The following SLCO2B1 variants were observed in gnomAD, a reference collection of about 807,000 sequenced individuals.
SLCO2B1 encodes the protein OATP-RP2.
Under a neutral mutation model 67.3 loss-of-function variants are expected in SLCO2B1, and 41 were observed. That is an observed-to-expected ratio of 0.61 (90% confidence interval 0.47 to 0.79). The LOEUF is 0.79. Among genes scored for constraint, SLCO2B1 ranks in the 30% least tolerant of loss-of-function variants. SLCO2B1 has a pLI of 0.00. For missense variants in SLCO2B1, 837 were observed against 920.1 expected (o/e 0.91, Z 1.17); for synonymous variants, 379 against 381.4 (o/e 0.99, Z 0.07).
intron 11 of SLCO2B1, 85 bp downstream of exon 11, chr11:75,200,472 C>G (rs1945166104): frequency 1.4e-6 from 2 of 1,416,756 alleles, no homozygotes; most frequent in African/African-American, 1.4e-5. Context: ...GGACGGAGTT[C>G]AAGAAAGGAG....
At chr11:75,195,036 G>A (rs1210113592) in intron 9 of SLCO2B1, among the ~76,000 whole-genome samples, 3 of 152,096 alleles carry the variant, frequency 2.0e-5, no homozygotes, top group East Asian at 1.9e-4. Context: ...GTCTTCCCAC[G>A]TTACCTCTCA....
In SLCO2B1 at chr11:75,172,537, G is replaced by A; in HGVS notation, c.940G>A (p.Val314Ile). The change falls in exon 7 of 14, where the codon GTC (valine) becomes ATC (isoleucine). Residue 314 changes from valine to isoleucine, a missense_variant. Physicochemically the swap from Val to Ile is conservative, Grantham distance 29 (BLOSUM62 3). Transcript: ENST00000289575. Reference protein sequence around the residue: ...EKRELQFRRKVLAVTDSPARK... With the variant: ...EKRELQFRRKILAVTDSPARK... Reference sequence around the variant, plus strand: ...ACGTGAGCTTCAGTTTCGGCGAAAGGTCTTAGCAGTCACAGACTCACCTGC... The same window carrying A: ...ACGTGAGCTTCAGTTTCGGCGAAAGATCTTAGCAGTCACAGACTCACCTGC... The A allele has an allele frequency of 6.2e-7, 1 of 1,614,172 alleles. No homozygotes were observed. Among genetic ancestry groups the A allele is most frequent in the Non-Finnish European group, 8.5e-7 (1 of 1,180,018 alleles).
chr11:75,155,080 C>G (rs1011915002), intron 1 of SLCO2B1, among the ~76,000 whole-genome samples: 1 of 152,140 alleles, frequency 6.6e-6, no homozygotes, highest in African/African-American at 2.4e-5. Flanking sequence ...AGCTCAGGGT[C>G]CCTGACTGAG....
intron 1 of SLCO2B1, among the ~76,000 whole-genome samples, chr11:75,155,223 CT>C (rs922265441): frequency 7.2e-5 from 11 of 152,094 alleles, no homozygotes; most frequent in Admixed American, 3.3e-4. Context: ...ACCCAAGGTC[CT>C]GCTGGGAGGA....
In SLCO2B1 at chr11:75,151,635, C is replaced by T. The variant is rs188776931; in HGVS notation, c.16+238C>T. On this transcript the variant is annotated intron_variant, in intron 1 of 13. Coordinates refer to ENST00000289575, the MANE Select transcript of SLCO2B1 (RefSeq NM_007256.5). ...GGAGCCAGGGAACCCAGCCAAACCTCGTTGATGAGACCGAGACTTAGAGGA... is the reference window on the plus strand; with the variant it reads ...GGAGCCAGGGAACCCAGCCAAACCTTGTTGATGAGACCGAGACTTAGAGGA... Among the ~76,000 whole-genome samples the T allele has an allele frequency of 3.9e-5, 6 of 152,276 alleles. No homozygotes were observed. The East Asian group carries it at 9.7e-4, about 24-fold the overall frequency.
chr11:75,169,584 T>G, intron 5 of SLCO2B1, 82 bp from the exon 6 acceptor site: 1 of 1,305,652 alleles, frequency 7.7e-7, no homozygotes, highest in Non-Finnish European at 1.1e-6. Flanking sequence ...CAGAGTGTTC[T>G]TGCCCATCAG....
In SLCO2B1 at chr11:75,188,238, G is replaced by A. The variant is rs1016906501; in HGVS notation, c.1075G>A (p.Val359Ile). 8 of 1,610,568 alleles carry A rather than the reference G, an allele frequency of 5.0e-6. No homozygotes were observed. The African/African-American group carries it at 8.0e-5, about 16-fold the overall frequency. The change falls in exon 8 of 14, where the codon GTC becomes ATC. Residue 359 changes from valine to isoleucine, a missense_variant and splice_region_variant. By Grantham distance (29) the Val-to-Ile change is conservative (BLOSUM62 3). Coordinates refer to ENST00000289575, the MANE Select transcript of SLCO2B1 (RefSeq NM_007256.5). Reference sequence around the variant, plus strand: ...CCTGACTGTGATCCAGTTCATTAAAGGTAAGTCAGCTCAGACCAGGTTATG... The same window carrying A: ...CCTGACTGTGATCCAGTTCATTAAAAGTAAGTCAGCTCAGACCAGGTTATG... The part of the protein sequence containing the change: ...PNLTVIQFIK[V>I]FPRVLLQTLR...
At position 75,165,863 on chromosome 11, in the gene SLCO2B1, G is replaced by C; in HGVS notation, c.362G>C (p.Gly121Ala). Residue 121 changes from glycine to alanine, a missense_variant, in exon 4 of 14, where the codon GGG becomes GCG. Coordinates refer to ENST00000289575, the MANE Select transcript of SLCO2B1 (RefSeq NM_007256.5). ...RVHRPRMIGY[G>A]AILVALAGLL... Reference sequence around the variant, plus strand: ...CACCGACCCCGAATGATTGGCTATGGGGCTATCCTTGTGGCCCTGGCGGGC... The same window carrying C: ...CACCGACCCCGAATGATTGGCTATGCGGCTATCCTTGTGGCCCTGGCGGGC... 1 of 1,614,218 alleles carries C rather than the reference G, an allele frequency of 6.2e-7. No homozygotes were observed. The highest frequency in any genetic ancestry group is 1.6e-4 in the Middle Eastern group (1 of 6,062).
At chr11:75,204,106 C>T (rs996373804) in intron 13 of SLCO2B1, 3 of 259,194 alleles carry the variant, frequency 1.2e-5, no homozygotes, top group Admixed American at 5.4e-5. Flanking sequence ...TGGCAGGTGG[C>T]GCAATATAAA....
At chr11:75,165,051 C>T (rs1267476312) in intron 3 of SLCO2B1, among the ~76,000 whole-genome samples, 2 of 152,318 alleles carry the variant, frequency 1.3e-5, no homozygotes, top group East Asian at 3.9e-4. Flanking sequence ...ACCCCCTGCT[C>T]ATGGTGGCAG....
At position 75,162,794 on chromosome 11, in the gene SLCO2B1, C is replaced by A; in HGVS notation, c.147+9C>A. Reference sequence around the variant, plus strand: ...TGTTCCATAACATCAAGGTACCTCTCAGGGCCTGGCAGGGGCCTCCGAGTC... The same window carrying A: ...TGTTCCATAACATCAAGGTACCTCTAAGGGCCTGGCAGGGGCCTCCGAGTC... On this transcript the variant is annotated intron_variant, in intron 2 of 13. Coordinates refer to ENST00000289575, the MANE Select transcript of SLCO2B1 (RefSeq NM_007256.5). 6.2e-7 allele frequency: 1 copy of A among 1,610,896 alleles called. No individual in the cohort carries two copies. The highest frequency in any genetic ancestry group is 8.5e-7 in the Non-Finnish European group (1 of 1,178,824).
chr11:75,161,184 A>C (rs115980098), intron 1 of SLCO2B1, among the ~76,000 whole-genome samples: 6,964 of 152,350 alleles, frequency 0.046, 224 homozygotes, highest in African/African-American at 0.089. Flanking sequence ...GAAAGAAGCC[A>C]GTCACAAAAG....
At chr11:75,179,294 C>T (rs1340976056) in intron 7 of SLCO2B1, among the ~76,000 whole-genome samples, 13 of 122,958 alleles carry the variant, frequency 1.1e-4, no homozygotes, top group African/African-American at 3.8e-4. Flanking sequence ...TACAGTGGTG[C>T]GATCTTGGCT....
At chr11:75,180,799 A>G (rs565585719) in intron 7 of SLCO2B1, among the ~76,000 whole-genome samples, 6 of 152,368 alleles carry the variant, frequency 3.9e-5, no homozygotes, top group Admixed American at 2.0e-4. Flanking sequence ...TGAAGTAGAT[A>G]TAGTTATTAC....
intron 4 of SLCO2B1, among the ~76,000 whole-genome samples, chr11:75,168,715 C>T (rs78974199): frequency 0.013 from 2,049 of 152,274 alleles, 54 homozygotes; most frequent in African/African-American, 0.045. Context: ...CTCATTCTCC[C>T]GGCACGGTGC....
At chr11:75,200,074 C>A (rs1945158476) in intron 10 of SLCO2B1, 150 bp from the exon 11 acceptor site, 2 of 741,882 alleles carry the variant, frequency 2.7e-6, no homozygotes, top group Non-Finnish European at 4.3e-6. Context: ...CTTTGCTCAG[C>A]CAACGGGTCA....
chr11:75,202,793 C>G (rs1399479530), intron 11 of SLCO2B1, 108 bp from the exon 12 acceptor site: 7 of 949,290 alleles, frequency 7.4e-6, no homozygotes, highest in Admixed American at 5.2e-5. Flanking sequence ...GAGGCTGGCT[C>G]TGGGTGGTGG....
chr11:75,177,113 T>TACC (rs1235456697), intron 7 of SLCO2B1, among the ~76,000 whole-genome samples: 1 of 151,640 alleles, frequency 6.6e-6, no homozygotes, highest in Admixed American at 6.6e-5. Flanking sequence ...ACCCCAAGGG[T>TACC]ACCACCATAG....
At chr11:75,186,877 C>A (rs1454237938) in intron 7 of SLCO2B1, among the ~76,000 whole-genome samples, 2 of 152,164 alleles carry the variant, frequency 1.3e-5, no homozygotes, top group Admixed American at 1.3e-4. Flanking sequence ...TACTCTGGGG[C>A]CTTGGCCTTG....
Sources: gnomAD v4.1 joint callset for allele counts (sites outside exome capture counted in the v4.1 genomes callset) on GRCh38, gnomAD v4.1.1 for gene constraint, MANE v1.5 for transcripts, NCBI Gene and HGNC (gene_info 2026-07-23, HGNC 2026-07-21) for gene names.